ANHX: variants seen among roughly 807,000 people sequenced by gnomAD.
ANHX encodes anomalous homeobox, also known as anomalous homeobox protein.
A neutral mutation model predicts 38.9 loss-of-function variants in ANHX; 20 were observed. The observed-to-expected ratio is 0.51, with a 90% confidence interval of 0.36 to 0.75. The LOEUF (loss-of-function observed/expected upper bound fraction) is 0.75. ANHX is among the 30% of genes least tolerant of loss of function. ANHX has a pLI of 0.00. For synonymous variants in ANHX, 185 were observed against 203.1 expected, an observed-to-expected ratio of 0.91 and a Z score of 0.76; for missense variants, 475 against 493.1, an observed-to-expected ratio of 0.96 and a Z score of 0.35.
Position 133,226,883 on chromosome 12 carries a change from G to A in ANHX, c.718+53C>T, listed in dbSNP as rs981168188. ...GTGTGACTACCTAGGCCTGGCCCTT[G>A]TCAGAAACCAGCTCCCCGACCACAA... On this transcript the variant is annotated intron_variant, in intron 5 of 9. Transcript: ENST00000545940. 1.8e-5 allele frequency: 26 copies of A among 1,448,948 alleles called. No homozygotes were observed. The African/African-American group carries it at 3.7e-4, about 21-fold the overall frequency. The allele number at this position is 1,448,948 out of a possible 1,614,324, so 89.8% of individuals were successfully genotyped here.
At chr12:133,231,922 T>A (rs530774655) in intron 2 of ANHX, among the ~76,000 whole-genome samples, 3 of 152,206 alleles carry the variant, frequency 2.0e-5, no homozygotes, top group African/African-American at 7.2e-5. Context: ...CTCACATCAG[T>A]CTTGAATGGG....
chr12:133,227,807 G>T lies in ANHX; in HGVS notation c.501+17C>A, dbSNP rs1429881930. On this transcript the variant is annotated intron_variant, in intron 4 of 9. Transcript: ENST00000545940. Reference sequence around the variant, plus strand: ...CAGGCAGGGACCCCCTGGGTCCTGGGTATCTTCTATTCTTACCCTCTCAGC... The same window carrying T: ...CAGGCAGGGACCCCCTGGGTCCTGGTTATCTTCTATTCTTACCCTCTCAGC... The T allele has an allele frequency of 6.5e-7, 1 of 1,535,216 alleles. No homozygotes were observed. Among genetic ancestry groups the T allele is most frequent in the Non-Finnish European group, 8.7e-7 (1 of 1,146,368 alleles).
At position 133,218,651 on chromosome 12, in the gene ANHX, T is replaced by G. The variant is rs910061168; in HGVS notation, c.*234A>C. On this transcript the variant is annotated 3_prime_UTR_variant, in exon 10 of 10. Transcript: ENST00000545940. ...TGCGTGAGTGGGACAGACCCACCTT[T>G]GACTTCTGATCTCACGAACATTTCT... 2.6e-6 allele frequency: 1 copy of G among 379,400 alleles called. No homozygotes were observed. The allele number at this position is 379,400 out of a possible 1,614,324, so 23.5% of individuals were successfully genotyped here. A position where few individuals can be genotyped will look rare whatever the true frequency, so the allele number is the denominator to read the frequency against.
chr12:133,220,659 A>G (rs555435936), intron 8 of ANHX, among the ~76,000 whole-genome samples: 29 of 152,008 alleles, frequency 1.9e-4, no homozygotes, highest in Non-Finnish European at 4.0e-4. Flanking sequence ...CTAGAACAGG[A>G]GTGGCGGGTG....
chr12:133,235,728 GCGCC>G, intron 1 of ANHX, 75 bp downstream of exon 1: 1 of 38,780 alleles, frequency 2.6e-5, no homozygotes, highest in Non-Finnish European at 4.8e-5. Context: ...CCCCGCCCCC[GCGCC>G]CCTCACATTC....
intron 2 of ANHX, among the ~76,000 whole-genome samples, chr12:133,233,591 C>T (rs145818936): frequency 2.0e-4 from 30 of 152,150 alleles, no homozygotes; most frequent in Non-Finnish European, 8.8e-5. Flanking sequence ...GGCAGCAAAA[C>T]GTACAGTGGT....
chr12:133,225,621 G>C lies in ANHX; in HGVS notation c.1047C>G (p.His349Gln), dbSNP rs1305686833. 6.6e-6 allele frequency among the ~76,000 whole-genome samples: 1 copy of C among 152,236 alleles called. No homozygotes were observed. The highest frequency in any genetic ancestry group is 6.5e-5 in the Admixed American group (1 of 15,284). Residue 349 changes from histidine (H) to glutamine (Q), a missense_variant, in exon 7 of 10, where the codon CAC (histidine) becomes CAG (glutamine). By Grantham distance (24) the His-to-Gln change is conservative. Coordinates refer to ENST00000545940, the MANE Select transcript of ANHX (RefSeq NM_001372060.1). ...CCATCATGAAGTCCAGCCCATGGCTGTGGACCAGCTGCCCAGTCTGGAAGG... is the reference window on the plus strand; with the variant it reads ...CCATCATGAAGTCCAGCCCATGGCTCTGGACCAGCTGCCCAGTCTGGAAGG... ...EVSFQTGQLV[H>Q]SHGLDFMMGP...
In ANHX at chr12:133,218,759, G is replaced by A; in HGVS notation, c.*126C>T. The A allele has an allele frequency of 5.0e-6, 3 of 599,792 alleles. No homozygotes were observed. The highest frequency in any genetic ancestry group is 4.0e-5 in the South Asian group (1 of 24,866). The allele number at this position is 599,792 out of a possible 1,614,324, so 37.2% of individuals were successfully genotyped here. ...GAAAGAATCTCTGCTTTTCAGCAGA[G>A]CCCCCAGGGGAACTCTGGGGACCTT... is the stretch of plus-strand genomic sequence containing the variant. On this transcript the variant is annotated 3_prime_UTR_variant, in exon 10 of 10. Coordinates refer to ENST00000545940, the MANE Select transcript of ANHX (RefSeq NM_001372060.1).
At position 133,225,146 on chromosome 12, in the gene ANHX, C is replaced by T. The variant is rs554644738; in HGVS notation, c.1132+390G>A. Among the ~76,000 whole-genome samples, 22 of 152,134 alleles carry T rather than the reference C, an allele frequency of 1.4e-4. 1 individual carries two copies. In the East Asian group the frequency reaches 3.3e-3, roughly 23 times the overall value. On this transcript the variant is annotated intron_variant, in intron 7 of 9. Coordinates refer to ENST00000545940, the MANE Select transcript of ANHX (RefSeq NM_001372060.1). ...TCAACGATAACTTAGAAGCTAAAATCATGGGATCTCTACTACAGGCTAAGG... is the reference window on the plus strand; with the variant it reads ...TCAACGATAACTTAGAAGCTAAAATTATGGGATCTCTACTACAGGCTAAGG...
intron 7 of ANHX, among the ~76,000 whole-genome samples, chr12:133,223,721 C>T (rs1247132060): frequency 1.3e-5 from 2 of 152,124 alleles, no homozygotes; most frequent in Non-Finnish European, 2.9e-5. Context: ...GCTGGGATTA[C>T]AGGCGTGAGT....
Position 133,231,624 on chromosome 12 carries a change from G to A in ANHX, c.270C>T (p.Gly90=). The A allele has an allele frequency of 6.5e-7, 1 of 1,536,038 alleles. No homozygotes were observed. Among genetic ancestry groups the A allele is most frequent in the Non-Finnish European group, 8.7e-7 (1 of 1,146,900 alleles). ...RLLEGCQVPG[G]SQELVQLWND... ...TCCAGAGCTGCACTAACTCCTGGCT[G>A]CCTCCCGGCACCTGGCACCCCTGCC... Residue 90 remains glycine (G), a synonymous_variant, in exon 3 of 10, where the codon GGC becomes GGT. Transcript: ENST00000545940.
At chr12:133,234,037 G>A (rs914505785) in intron 2 of ANHX, 71 bp downstream of exon 2, 50 of 1,493,642 alleles carry the variant, frequency 3.3e-5, no homozygotes, top group African/African-American at 5.5e-5. Context: ...CTGCAGTGCC[G>A]GAGATGGGTG....
chr12:133,222,935 A>C (rs1425075520), intron 7 of ANHX, among the ~76,000 whole-genome samples: 2 of 152,238 alleles, frequency 1.3e-5, no homozygotes, highest in East Asian at 3.8e-4. Context: ...TCATGCCTGT[A>C]ATCCCAGCAC....
Position 133,224,019 on chromosome 12 carries a change from T to G in ANHX, c.1132+1517A>C, listed in dbSNP as rs186619700. ...CTCGGATAATTTATCTTGCAGGCAC[T>G]CTTTCTTGCAAAGTTAACTGAAGCT... On this transcript the variant is annotated intron_variant, in intron 7 of 9. Transcript: ENST00000545940. Among the ~76,000 whole-genome samples the G allele has an allele frequency of 2.9e-3, 440 of 152,308 alleles. 3 individuals are homozygous for G. The highest frequency in any genetic ancestry group is 0.01 in the African/African-American group (428 of 41,562).
intron 4 of ANHX, 149 bp from the exon 5 acceptor site, chr12:133,227,301 G>A: frequency 3.4e-6 from 3 of 876,974 alleles, no homozygotes; most frequent in Non-Finnish European, 5.1e-6. Flanking sequence ...CGGTGAGCAT[G>A]AGCAGAACAT....
At chr12:133,231,223 G>C (rs144691393) in intron 3 of ANHX, among the ~76,000 whole-genome samples, 2 of 152,174 alleles carry the variant, frequency 1.3e-5, no homozygotes, top group Non-Finnish European at 2.9e-5. Flanking sequence ...TGATGAGGAT[G>C]CCCACCTCCT....
intron 2 of ANHX, among the ~76,000 whole-genome samples, chr12:133,233,451 C>T (rs1046023232): frequency 5.3e-5 from 8 of 151,972 alleles, no homozygotes; most frequent in African/African-American, 1.7e-4. Context: ...TTTTGGAAAC[C>T]CTTTGGGCCA....
At chr12:133,222,574 G>A (rs779331389) in intron 7 of ANHX, among the ~76,000 whole-genome samples, 1 of 152,094 alleles carries the variant, frequency 6.6e-6, no homozygotes, top group East Asian at 1.9e-4. Context: ...CGCCAGCCTC[G>A]TCAGTAAGTA....
rs944449079 is a variant in ANHX, at chr12:133,227,827, C to G, written c.498G>C (p.Glu166Asp). The G allele has an allele frequency of 5.9e-6, 9 of 1,535,490 alleles. No homozygotes were observed. In the African/African-American group the frequency reaches 9.6e-5, roughly 16 times the overall value. Residue 166 changes from glutamate (E) to aspartate (D), a missense_variant, in exon 4 of 10, where the codon GAG becomes GAC. Coordinates refer to ENST00000545940, the MANE Select transcript of ANHX (RefSeq NM_001372060.1). Reference protein sequence around the residue: ...VGVNTNPSKAERENLALETSL... With the variant: ...VGVNTNPSKADRENLALETSL... The stretch of plus-strand genomic sequence containing the variant: ...CCTGGGTATCTTCTATTCTTACCCT[C>G]TCAGCCTTGCTGGGGTTGGTGTTCA...
Sources: gnomAD v4.1 joint callset for allele counts (sites outside exome capture counted in the v4.1 genomes callset) on GRCh38, gnomAD v4.1.1 for gene constraint, MANE v1.5 for transcripts, NCBI Gene and HGNC (gene_info 2026-07-23, HGNC 2026-07-21) for gene names.